The following NBEAL1 variants were observed in gnomAD, a reference collection of about 807,000 sequenced individuals.
The protein encoded by NBEAL1 is neurobeachin like 1, also known as neurobeachin-like protein 1.
NBEAL1 carries 273 observed loss-of-function variants against 351.3 expected under a neutral mutation model. The ratio of observed to expected loss-of-function variants is 0.78; its 90% CI spans 0.70 to 0.86. The LOEUF (loss-of-function observed/expected upper bound fraction) is 0.86, where lower values mean the gene tolerates loss of function less well. Among genes scored for constraint, NBEAL1 ranks in the 40% least tolerant of loss-of-function variants. The pLI, the probability that NBEAL1 is intolerant of heterozygous loss-of-function variation, is 0.00. For missense variants in NBEAL1, 2,961 were observed against 3,201.3 expected, an observed-to-expected ratio of 0.92 and a Z score of 1.81; for synonymous variants, 1,050 against 1,086.4, an observed-to-expected ratio of 0.97 and a Z score of 0.66.
At chr2:203,032,481 C>A (rs1265818835) in intron 2 of NBEAL1, among the ~76,000 whole-genome samples, 2 of 151,588 alleles carry the variant, frequency 1.3e-5, no homozygotes, top group African/African-American at 2.4e-5. Context: ...CACGGTGAAA[C>A]CCCGTCTCTA....
chr2:203,077,907 G>A (rs1049279801), intron 8 of NBEAL1, 70 bp downstream of exon 8: 1 of 776,632 alleles, frequency 1.3e-6, no homozygotes, highest in African/African-American at 1.8e-5. Context: ...CATAGATTTA[G>A]TATGTTCTTT....
chr2:203,191,144 C>T (rs2065070078), intron 46 of NBEAL1: 3 of 1,588,430 alleles, frequency 1.9e-6, no homozygotes, highest in Non-Finnish European at 2.6e-6. Flanking sequence ...CGATCCTTAG[C>T]CAGAGAACTC....
At chr2:203,072,819 T>C (rs2106138537) in intron 7 of NBEAL1, among the ~76,000 whole-genome samples, 1 of 152,336 alleles carries the variant, frequency 6.6e-6, no homozygotes, top group South Asian at 2.1e-4. Context: ...CTAAAGCTGC[T>C]TCTGTATTCT....
intron 42 of NBEAL1, among the ~76,000 whole-genome samples, chr2:203,177,583 T>A (rs1201663544): frequency 6.6e-6 from 1 of 152,134 alleles, no homozygotes; most frequent in African/African-American, 2.4e-5. Context: ...TCACACCCAC[T>A]ATGATAGCTA....
intron 10 of NBEAL1, among the ~76,000 whole-genome samples, chr2:203,091,013 G>A (rs918079134): frequency 2.6e-5 from 4 of 152,128 alleles, no homozygotes; most frequent in African/African-American, 9.7e-5. Flanking sequence ...TAAAAATTTA[G>A]CATCTTAACC....
At chr2:203,050,500 A>T (rs2061307767) in intron 4 of NBEAL1, among the ~76,000 whole-genome samples, 1 of 152,198 alleles carries the variant, frequency 6.6e-6, no homozygotes, top group South Asian at 2.1e-4. Flanking sequence ...GCAAGAAATT[A>T]CTGTACCAGT....
At chr2:203,073,814 C>G (rs542509098) in intron 7 of NBEAL1, among the ~76,000 whole-genome samples, 33 of 152,164 alleles carry the variant, frequency 2.2e-4, no homozygotes, top group African/African-American at 7.7e-4. Flanking sequence ...AAAGGTCAGT[C>G]TTTGATTAGA....
Position 203,125,432 on chromosome 2 carries a change from T to A in NBEAL1, c.2763T>A (p.Ile921=), listed in dbSNP as rs370240127. 2.6e-5 allele frequency: 40 copies of A among 1,547,860 alleles called. No individual in the cohort carries two copies. The highest frequency in any genetic ancestry group is 3.4e-5 in the Non-Finnish European group (39 of 1,145,288). Residue 921 remains isoleucine, a synonymous_variant, in exon 20 of 56, where the codon ATT becomes ATA. Coordinates refer to ENST00000683969, the MANE Select transcript of NBEAL1 (RefSeq NM_001378026.1). Reference sequence around the variant, plus strand: ...TCAGCCACTTTAGTGAAGGACAGATTCCTGAAGAAAAGAATGAAAGCACAG... The same window carrying A: ...TCAGCCACTTTAGTGAAGGACAGATACCTGAAGAAAAGAATGAAAGCACAG... The part of the protein sequence containing the change: ...EQISHFSEGQ[I]PEEKNESTVP...
At chr2:203,130,258 C>T in intron 24 of NBEAL1, 60 bp from the exon 25 acceptor site, 2 of 1,411,694 alleles carry the variant, frequency 1.4e-6, no homozygotes, top group Non-Finnish European at 1.9e-6. Flanking sequence ...GGCTTATGAC[C>T]TTATTTGTGC....
At chr2:203,172,440 G>T (rs912965113) in intron 40 of NBEAL1, among the ~76,000 whole-genome samples, 1 of 152,022 alleles carries the variant, frequency 6.6e-6, no homozygotes, top group African/African-American at 2.4e-5. Context: ...AGAATCGCTT[G>T]AACTCAGGAG....
intron 6 of NBEAL1, among the ~76,000 whole-genome samples, chr2:203,063,316 T>C (rs2061529380): frequency 6.6e-6 from 1 of 150,480 alleles, no homozygotes; most frequent in African/African-American, 2.4e-5. Flanking sequence ...GGTGTGGTGA[T>C]GTGTGCCTCT....
intron 50 of NBEAL1, among the ~76,000 whole-genome samples, chr2:203,202,425 G>A (rs1188211101): frequency 6.6e-6 from 1 of 152,136 alleles, no homozygotes; most frequent in Non-Finnish European, 1.5e-5. Flanking sequence ...CTCCTCCCAA[G>A]ATTGTGGTAG....
rs374104128 is a variant in NBEAL1 at position 203,149,009 on chromosome 2, T to C, written c.5323T>C (p.Phe1775Leu). 3 of 1,608,884 alleles carry C rather than the reference T, an allele frequency of 1.9e-6. No individual in the cohort carries two copies. Among genetic ancestry groups the C allele is most frequent in the African/African-American group, 1.3e-5 (1 of 74,796 alleles). The change falls in exon 34 of 56, where the codon TTT becomes CTT. Residue 1775 changes from phenylalanine (F) to leucine (L), a missense_variant. Phe to Leu is a conservative substitution (Grantham distance 22). Coordinates refer to ENST00000683969, the MANE Select transcript of NBEAL1 (RefSeq NM_001378026.1). ...CTTTCAGGAGCTGTTTGTGGAGCCA[T>C]TTAATCGAAAAGCACGCCAAGAGAA... The part of the protein sequence containing the change: ...LKFQELFVEP[F>L]NRKARQENLR...
At chr2:203,144,485 C>G in intron 31 of NBEAL1, 115 bp from the exon 32 acceptor site, 1 of 968,938 alleles carries the variant, frequency 1.0e-6, no homozygotes, top group Non-Finnish European at 1.5e-6. Flanking sequence ...TGAGACCTTT[C>G]ACAGTTCTTG....
At chr2:203,182,436 A>G (rs2064746077) in intron 43 of NBEAL1, 2 of 152,224 alleles carry the variant, frequency 1.3e-5, no homozygotes, top group African/African-American at 2.4e-5. Context: ...GAACTGGGTC[A>G]TATACCAACC....
intron 18 of NBEAL1, among the ~76,000 whole-genome samples, chr2:203,119,424 C>CTGTTTTTTT (rs2062776172): frequency 1.5e-5 from 1 of 66,656 alleles, no homozygotes; most frequent in Non-Finnish European, 2.6e-5. Context: ...CGGCCTGTTG[C>CTGTTTTTTT]TTTTTTTTTT....
intron 10 of NBEAL1, among the ~76,000 whole-genome samples, chr2:203,090,757 C>G (rs543540644): frequency 6.6e-6 from 1 of 152,014 alleles, no homozygotes; most frequent in Non-Finnish European, 1.5e-5. Flanking sequence ...GGTGTCGTGG[C>G]GCATGCCTGT....
intron 29 of NBEAL1, 121 bp from the exon 30 acceptor site, chr2:203,138,041 C>T: frequency 1.1e-6 from 1 of 883,174 alleles, no homozygotes; most frequent in Middle Eastern, 3.4e-4. Context: ...GGGATACCTG[C>T]TAGAGATAGT....
intron 19 of NBEAL1, 131 bp downstream of exon 19, chr2:203,122,474 A>G (rs1388278832): frequency 1.7e-6 from 1 of 597,624 alleles, no homozygotes; most frequent in Non-Finnish European, 2.9e-6. Flanking sequence ...GCAAACATAC[A>G]ATTTGAAGGG....
Sources: allele counts gnomAD v4.1 joint callset (sites outside exome capture counted in the v4.1 genomes callset), GRCh38; gene constraint gnomAD v4.1.1; transcripts MANE v1.5; gene names NCBI Gene and HGNC (gene_info 2026-07-23, HGNC 2026-07-21).